The following BICD2 variants were observed in gnomAD, a reference collection of about 807,000 sequenced individuals.
The protein encoded by BICD2 is BICD cargo adaptor 2, also known as protein bicaudal D homolog 2.
Under a neutral mutation model 72.9 loss-of-function variants are expected in BICD2, and 25 were observed. The observed-to-expected ratio is 0.34, with a 90% CI of 0.25 to 0.48. BICD2 has a LOEUF of 0.48. Among genes scored for constraint, BICD2 ranks in the 20% least tolerant of loss-of-function variants. The pLI, the probability that BICD2 is intolerant of heterozygous loss-of-function variation, is 0.99. For synonymous variants in BICD2, 501 were observed against 516.1 expected (o/e 0.97, Z 0.40); for missense variants, 894 against 1,175.2 (o/e 0.76, Z 3.50).
intron 1 of BICD2, among the ~76,000 whole-genome samples, chr9:92,729,514 G>C (rs1049033586): frequency 6.6e-6 from 1 of 152,264 alleles, no homozygotes; most frequent in Non-Finnish European, 1.5e-5. Flanking sequence ...GGCAAGACAA[G>C]TGCTGGAGTC....
chr9:92,719,695 G>T, intron 4 of BICD2, 113 bp from the exon 5 acceptor site: 1 of 1,145,582 alleles, frequency 8.7e-7, no homozygotes, highest in Non-Finnish European at 1.2e-6. Context: ...CAGGCTGTCA[G>T]CCCCAGGTTC....
At chr9:92,727,667 T>C (rs1434263244) in intron 2 of BICD2, among the ~76,000 whole-genome samples, 11 of 152,212 alleles carry the variant, frequency 7.2e-5, no homozygotes. Flanking sequence ...ATCTTGGTGA[T>C]GGGGCCTCAT....
intron 1 of BICD2, among the ~76,000 whole-genome samples, chr9:92,738,044 C>T (rs1346927612): frequency 1.3e-5 from 2 of 152,252 alleles, no homozygotes; most frequent in Non-Finnish European, 2.9e-5. Context: ...GCCCTGCCCA[C>T]TTCCCGGCGG....
chr9:92,723,783 G>A (rs543932996), intron 2 of BICD2, among the ~76,000 whole-genome samples: 1 of 152,232 alleles, frequency 6.6e-6, no homozygotes, highest in African/African-American at 2.4e-5. Flanking sequence ...GGAGAGGCTA[G>A]TGCAGGGTTG....
intron 5 of BICD2, 21 bp downstream of exon 5, chr9:92,718,518 C>A (rs888210205): frequency 4.4e-6 from 7 of 1,591,650 alleles, no homozygotes; most frequent in Non-Finnish European, 6.0e-6. Flanking sequence ...TGACATGTGC[C>A]CCTGCTGCCT....
At chr9:92,723,264 T>C (rs1587672103) in intron 2 of BICD2, among the ~76,000 whole-genome samples, 2 of 152,174 alleles carry the variant, frequency 1.3e-5, no homozygotes, top group Admixed American at 6.5e-5. Flanking sequence ...GGTCCACACA[T>C]GTTCACAGCA....
At chr9:92,748,495 A>C (rs1854064562) in intron 1 of BICD2, among the ~76,000 whole-genome samples, 1 of 152,112 alleles carries the variant, frequency 6.6e-6, no homozygotes, top group African/African-American at 2.4e-5. Flanking sequence ...GTACAAGCAG[A>C]CTAGTCAGCT....
intron 1 of BICD2, among the ~76,000 whole-genome samples, chr9:92,763,316 G>C (rs1209043360): frequency 6.6e-6 from 1 of 152,188 alleles, no homozygotes; most frequent in African/African-American, 2.4e-5. Context: ...AGAGGTGCCA[G>C]GTGATAAGCC....
intron 1 of BICD2, among the ~76,000 whole-genome samples, chr9:92,733,899 G>A (rs891810227): frequency 2.0e-5 from 3 of 152,024 alleles, no homozygotes; most frequent in African/African-American, 7.2e-5. Context: ...CCCGGGAGGC[G>A]GAGCTTGCAG....
chr9:92,756,626 A>C (rs1854263217), intron 1 of BICD2, among the ~76,000 whole-genome samples: 1 of 150,194 alleles, frequency 6.7e-6, no homozygotes, highest in Admixed American at 6.6e-5. Flanking sequence ...TAATCCCAGC[A>C]CTTTGGGAGG....
chr9:92,764,182 A>C lies in BICD2; in HGVS notation c.240+323T>G, dbSNP rs999796451. ...CACCCCACACTCAGACACACCCGGA[A>C]CAGCGACCACCGCAAAGCATCAGCC... On this transcript the variant is annotated intron_variant, in intron 1 of 6. Coordinates refer to ENST00000356884, the MANE Select transcript of BICD2 (RefSeq NM_001003800.2). The surrounding 1 kb of genome is among the most constrained non-coding windows in gnomAD (Gnocchi z 5.5). 3.3e-5 allele frequency among the ~76,000 whole-genome samples: 5 copies of C among 151,360 alleles called. No homozygotes were observed. The highest frequency in any genetic ancestry group is 7.4e-5 in the Non-Finnish European group (5 of 67,814).
At position 92,722,649 on chromosome 9, in the gene BICD2, G is replaced by A. The variant is rs1164296084; in HGVS notation, c.606+7C>T. 6.2e-7 allele frequency: 1 copy of A among 1,614,176 alleles called. No individual in the cohort carries two copies. Among genetic ancestry groups the A allele is most frequent in the Non-Finnish European group, 8.5e-7 (1 of 1,180,014 alleles). ...TGCCACCTCCACCCCACAGGCCCAA[G>A]ACTCACCTGGTTCTGTCTGAGCACA... is the stretch of plus-strand genomic sequence containing the variant. On this transcript the variant is annotated splice_region_variant and intron_variant, in intron 3 of 6. Coordinates refer to ENST00000356884, the MANE Select transcript of BICD2 (RefSeq NM_001003800.2).
intron 2 of BICD2, among the ~76,000 whole-genome samples, chr9:92,724,874 C>T (rs1409732543): frequency 1.3e-5 from 2 of 152,160 alleles, no homozygotes; most frequent in African/African-American, 4.8e-5. Flanking sequence ...TTTTTCCTTG[C>T]TAACTGGCAA....
chr9:92,738,683 G>A (rs1853837429), intron 1 of BICD2, among the ~76,000 whole-genome samples: 1 of 152,182 alleles, frequency 6.6e-6, no homozygotes, highest in Admixed American at 6.5e-5. Context: ...CTTCCACTGG[G>A]CTCTGGCTCC....
chr9:92,739,645 G>A (rs1001198048), intron 1 of BICD2, among the ~76,000 whole-genome samples: 1 of 152,170 alleles, frequency 6.6e-6, no homozygotes, highest in African/African-American at 2.4e-5. Flanking sequence ...GCAGAGCCAG[G>A]AAACAGCAAT....
At position 92,713,479 on chromosome 9, in the gene BICD2, G is replaced by C. The variant is rs1271944602; in HGVS notation, c.*1675C>G. On this transcript the variant is annotated 3_prime_UTR_variant, in exon 7 of 7. Transcript: ENST00000356884. ...CTCTACAGCTGAAAACGGGAGAAAA[G>C]AGAGCGTTAGAAAGCGGTCATCTGT... 1.9e-6 allele frequency: 3 copies of C among 1,588,250 alleles called. No homozygotes were observed. The East Asian group carries it at 6.8e-5, about 36-fold the overall frequency.
At chr9:92,737,862 C>T (rs1401608325) in intron 1 of BICD2, among the ~76,000 whole-genome samples, 1 of 152,190 alleles carries the variant, frequency 6.6e-6, no homozygotes, top group Non-Finnish European at 1.5e-5. Context: ...GGGAAGTGCG[C>T]CAGGTGGAAG....
At chr9:92,729,686 C>T (rs1414846923) in intron 1 of BICD2, among the ~76,000 whole-genome samples, 1 of 152,240 alleles carries the variant, frequency 6.6e-6, no homozygotes, top group African/African-American at 2.4e-5. Flanking sequence ...TCATCCTTCA[C>T]TCCTTCTGGG....
Position 92,715,210 on chromosome 9 carries a change from T to C in BICD2, c.2512A>G (p.Thr838Ala). 1 of 1,612,214 alleles carries C rather than the reference T, an allele frequency of 6.2e-7. No homozygotes were observed. Among genetic ancestry groups the C allele is most frequent in the Non-Finnish European group, 8.5e-7 (1 of 1,179,216 alleles). The change falls in exon 7 of 7, where the codon ACC (threonine) becomes GCC (alanine). Residue 838 changes from threonine to alanine, a missense_variant. Transcript: ENST00000356884. ...CAGAACACCTGGTTGGCCAGCCCGG[T>C]GCCCTCGGCCCTGTCGCTGGCACAG... Reference protein sequence around the residue: ...CACASDRAEGTGLANQVFCSE... With the variant: ...CACASDRAEGAGLANQVFCSE...
Sources: gnomAD v4.1 joint callset for allele counts (sites outside exome capture counted in the v4.1 genomes callset) on GRCh38, gnomAD v4.1.1 for gene constraint, Gnocchi (gnomAD v3.1) non-coding constraint, MANE v1.5 for transcripts, NCBI Gene and HGNC (gene_info 2026-07-23, HGNC 2026-07-21) for gene names.